FHIT: variants seen among roughly 807,000 people sequenced by gnomAD.
FHIT encodes bis(5'-adenosyl)-triphosphatase.
In FHIT, 19 loss-of-function variants were observed where a neutral mutation model predicts 17.9. The ratio of observed to expected loss-of-function variants is 1.06; its 90% CI spans 0.74 to 1.56. The LOEUF is 1.56. Ranked by LOEUF, FHIT falls within the 40% of genes most tolerant of loss-of-function variation. The pLI, the probability that FHIT is intolerant of heterozygous loss-of-function variation, is 0.00. For synonymous variants in FHIT, 81 were observed against 69.7 expected, an observed-to-expected ratio of 1.16 and a Z score of -0.81; for missense variants, 248 against 189.2, an observed-to-expected ratio of 1.31 and a Z score of -1.82.
intron 3 of FHIT, among the ~76,000 whole-genome samples, chr3:61,001,157 T>G (rs186743494): frequency 6.7e-4 from 102 of 152,260 alleles, no homozygotes; most frequent in African/African-American, 2.3e-3. Flanking sequence ...AGTGATAACA[T>G]CAAATGCTGG....
At chr3:60,058,130 GTTTTTTTTTTTT>G (rs71089573) in intron 5 of FHIT, among the ~76,000 whole-genome samples, 3 of 66,268 alleles carry the variant, frequency 4.5e-5, no homozygotes, top group South Asian at 6.9e-4. Flanking sequence ...ACAGAGTTGT[GTTTTTTTTTTTT>G]TTTTTTTTTT....
chr3:61,007,880 G>T (rs1443861361), intron 3 of FHIT, among the ~76,000 whole-genome samples: 1 of 152,036 alleles, frequency 6.6e-6, no homozygotes, highest in African/African-American at 2.4e-5. Context: ...CCCCACCCAG[G>T]GTCCATAGCT....
chr3:60,338,877 G>T (rs991971097), intron 5 of FHIT, among the ~76,000 whole-genome samples: 2 of 152,144 alleles, frequency 1.3e-5, no homozygotes, highest in Non-Finnish European at 2.9e-5. Context: ...GGAATGGAAA[G>T]AATCAGATGG....
intron 3 of FHIT, among the ~76,000 whole-genome samples, chr3:60,918,965 T>C (rs1258159889): frequency 6.6e-6 from 1 of 152,204 alleles, no homozygotes; most frequent in Non-Finnish European, 1.5e-5. Flanking sequence ...TATAATTTTA[T>C]TCATATGTAA....
chr3:59,773,801 C>G (rs896027593), intron 8 of FHIT, among the ~76,000 whole-genome samples: 4 of 152,080 alleles, frequency 2.6e-5, no homozygotes, highest in Non-Finnish European at 5.9e-5. Flanking sequence ...TTAAAGCTGC[C>G]TCGCCCAGGA....
chr3:60,447,540 G>T (rs2031425544), intron 5 of FHIT, among the ~76,000 whole-genome samples: 1 of 152,034 alleles, frequency 6.6e-6, no homozygotes, highest in South Asian at 2.1e-4. Flanking sequence ...CTGTCAGCAG[G>T]CCTCAAAGAA....
At position 60,542,000 on chromosome 3, in the gene FHIT, C is replaced by T. The variant is rs78951409; in HGVS notation, c.-17-5021G>A. Among the ~76,000 whole-genome samples, 18 of 152,308 alleles carry T rather than the reference C, an allele frequency of 1.2e-4. No homozygotes were observed. In the East Asian group the frequency reaches 2.7e-3, roughly 23 times the overall value. On this transcript the variant is annotated intron_variant, in intron 4 of 9. Coordinates refer to ENST00000492590, the MANE Select transcript of FHIT (RefSeq NM_002012.4). ...AGTCCCATTCCCTCCCTTCCCACCA[C>T]AGAAATTCACTTTTTCATAATTAAT...
chr3:60,308,746 A>T (rs1298736514), intron 5 of FHIT, among the ~76,000 whole-genome samples: 1 of 152,110 alleles, frequency 6.6e-6, no homozygotes, highest in Non-Finnish European at 1.5e-5. Context: ...GATTCACTAA[A>T]TGTCATCTAT....
intron 5 of FHIT, among the ~76,000 whole-genome samples, chr3:60,396,839 T>C (rs1315882111): frequency 3.3e-5 from 5 of 152,200 alleles, no homozygotes; most frequent in Non-Finnish European, 1.5e-5. Flanking sequence ...AATAGAAAGT[T>C]TAAATTCAAG....
At chr3:60,199,281 G>C (rs942215519) in intron 5 of FHIT, among the ~76,000 whole-genome samples, 5 of 152,154 alleles carry the variant, frequency 3.3e-5, no homozygotes, top group South Asian at 2.1e-4. Flanking sequence ...CTGATGTCAT[G>C]AAACTGTCAT....
intron 3 of FHIT, among the ~76,000 whole-genome samples, chr3:60,946,715 C>A (rs1692411282): frequency 1.3e-5 from 2 of 152,046 alleles, no homozygotes; most frequent in African/African-American, 4.8e-5. Flanking sequence ...CTAGAAGTGA[C>A]AATGAACAAT....
chr3:60,708,398 G>C (rs1261404809), intron 4 of FHIT, among the ~76,000 whole-genome samples: 4 of 152,196 alleles, frequency 2.6e-5, no homozygotes, highest in Non-Finnish European at 5.9e-5. Flanking sequence ...TGCTGAGTCA[G>C]TTGTATTCAG....
At chr3:60,904,987 A>C (rs1182301044) in intron 3 of FHIT, among the ~76,000 whole-genome samples, 12 of 152,148 alleles carry the variant, frequency 7.9e-5, no homozygotes, top group African/African-American at 2.9e-4. Context: ...AATAAGAAAA[A>C]TAGAAAAACA....
chr3:60,836,611 TG>T (rs782039158), intron 3 of FHIT, among the ~76,000 whole-genome samples: 23 of 152,164 alleles, frequency 1.5e-4, no homozygotes, highest in Non-Finnish European at 3.1e-4. Context: ...GGGTCAATAG[TG>T]ATATCTCCTC....
At chr3:60,890,221 T>A (rs1443575879) in intron 3 of FHIT, among the ~76,000 whole-genome samples, 3 of 115,658 alleles carry the variant, frequency 2.6e-5, no homozygotes, top group African/African-American at 7.6e-5. Context: ...TTCCATGATG[T>A]AAAAAAAAAA....
chr3:60,972,243 A>G (rs556787514), intron 3 of FHIT, among the ~76,000 whole-genome samples: 1 of 152,140 alleles, frequency 6.6e-6, no homozygotes, highest in Non-Finnish European at 1.5e-5. Flanking sequence ...CTGACTGAGG[A>G]GCTCCTTTTA....
chr3:60,644,572 C>T (rs912271056), intron 4 of FHIT, among the ~76,000 whole-genome samples: 1 of 152,128 alleles, frequency 6.6e-6, no homozygotes, highest in Non-Finnish European at 1.5e-5. Context: ...AAGCATGATC[C>T]ATTGCATAAA....
chr3:60,814,233 G>T (rs113133634), intron 4 of FHIT, among the ~76,000 whole-genome samples: 1 of 151,894 alleles, frequency 6.6e-6, no homozygotes, highest in Admixed American at 6.6e-5. Flanking sequence ...GATTCAGGGG[G>T]TATATTTGCA....
intron 5 of FHIT, among the ~76,000 whole-genome samples, chr3:60,425,475 A>C (rs1013309465): frequency 4.6e-5 from 7 of 151,978 alleles, no homozygotes; most frequent in African/African-American, 1.7e-4. Context: ...TGTACACTAA[A>C]CCCTTATGAT....
Sources: gnomAD v4.1 joint callset for allele counts (sites outside exome capture counted in the v4.1 genomes callset) on GRCh38, gnomAD v4.1.1 for gene constraint, MANE v1.5 for transcripts, NCBI Gene and HGNC (gene_info 2026-07-23, HGNC 2026-07-21) for gene names.